The following RGS20 variants were observed in gnomAD, a reference collection of about 807,000 sequenced individuals.
The protein encoded by RGS20 is regulator of G protein signaling 20, also known as gz-selective GTPase-activating protein.
RGS20 carries 30 observed loss-of-function variants against 33.6 expected under a neutral mutation model. The ratio of observed to expected loss-of-function variants is 0.89; its 90% confidence interval spans 0.67 to 1.21. RGS20 has a LOEUF of 1.21. Ranked by LOEUF, RGS20 falls within the 50% of genes most tolerant of loss-of-function variation. The pLI, the probability that RGS20 is intolerant of heterozygous loss-of-function variation, is 0.00. For missense variants in RGS20, 472 were observed against 502.4 expected, an observed-to-expected ratio of 0.94 and a Z score of 0.58; for synonymous variants, 208 against 197.9, an observed-to-expected ratio of 1.05 and a Z score of -0.43.
At chr8:53,952,213 G>A (rs1472482089) in intron 4 of RGS20, among the ~76,000 whole-genome samples, 3 of 139,748 alleles carry the variant, frequency 2.1e-5, no homozygotes, top group Admixed American at 1.4e-4. Flanking sequence ...GAGTAGCTGG[G>A]ATTACAGGCA....
chr8:53,874,769 T>C (rs1226782986), intron 1 of RGS20, among the ~76,000 whole-genome samples: 1 of 152,246 alleles, frequency 6.6e-6, no homozygotes, highest in African/African-American at 2.4e-5. Flanking sequence ...TGTATATCTG[T>C]GTCGAAATTT....
At chr8:53,884,826 A>G (rs907486600) in intron 2 of RGS20, among the ~76,000 whole-genome samples, 1 of 152,210 alleles carries the variant, frequency 6.6e-6, no homozygotes, top group African/African-American at 2.4e-5. Context: ...CCACAGCTTT[A>G]TCTTGGTCCC....
intron 4 of RGS20, among the ~76,000 whole-genome samples, chr8:53,947,319 ATT>A (rs1450434335): frequency 1.4e-5 from 2 of 139,370 alleles, no homozygotes; most frequent in Non-Finnish European, 3.0e-5. Context: ...TAGTATATAT[ATT>A]ATATATGCTA....
intron 2 of RGS20, among the ~76,000 whole-genome samples, chr8:53,894,579 C>G (rs1812801607): frequency 6.6e-6 from 1 of 152,192 alleles, no homozygotes; most frequent in Admixed American, 6.5e-5. Flanking sequence ...TGGGCCTACA[C>G]AAATAATCCA....
intron 1 of RGS20, among the ~76,000 whole-genome samples, chr8:53,874,150 G>A (rs191051367): frequency 2.0e-4 from 31 of 152,144 alleles, no homozygotes; most frequent in Non-Finnish European, 3.8e-4. Context: ...CAGTGAGCCC[G>A]GTGATCCAAC....
At chr8:53,940,849 T>G (rs1393238914) in intron 3 of RGS20, among the ~76,000 whole-genome samples, 3 of 152,098 alleles carry the variant, frequency 2.0e-5, no homozygotes, top group African/African-American at 7.2e-5. Flanking sequence ...GAGGCGCTGG[T>G]GGTGGGCAGA....
intron 1 of RGS20, among the ~76,000 whole-genome samples, chr8:53,861,148 T>C (rs1763799669): frequency 6.6e-6 from 1 of 152,234 alleles, no homozygotes. Flanking sequence ...GGCATTTTTA[T>C]ATCTATCACC....
At chr8:53,913,681 G>A (rs1179472021) in intron 2 of RGS20, 1 of 152,262 alleles carries the variant, frequency 6.6e-6, no homozygotes, top group East Asian at 1.9e-4. Context: ...TGTTGCCACC[G>A]AGGCTGCCAG....
At chr8:53,943,778 TC>T (rs1241787303) in intron 3 of RGS20, among the ~76,000 whole-genome samples, 1 of 152,160 alleles carries the variant, frequency 6.6e-6, no homozygotes, top group Non-Finnish European at 1.5e-5. Flanking sequence ...CTCTGCTTTT[TC>T]ATACCCACTG....
At chr8:53,856,499 G>A (rs983917814) in intron 1 of RGS20, among the ~76,000 whole-genome samples, 5 of 152,106 alleles carry the variant, frequency 3.3e-5, no homozygotes, top group African/African-American at 1.2e-4. Flanking sequence ...GATTACAGGC[G>A]TGAGCCACCG....
chr8:53,866,639 C>G (rs988617547), intron 1 of RGS20, among the ~76,000 whole-genome samples: 1 of 152,166 alleles, frequency 6.6e-6, no homozygotes, highest in Non-Finnish European at 1.5e-5. Flanking sequence ...GCCTCGGCCT[C>G]TCAAAGTTCT....
chr8:53,897,214 C>G (rs16919650), intron 2 of RGS20, among the ~76,000 whole-genome samples: 18,083 of 152,182 alleles, frequency 0.12, 3,289 homozygotes, highest in African/African-American at 0.39. Flanking sequence ...TGGAGAGGAA[C>G]TTCTTCAGCA....
intron 2 of RGS20, among the ~76,000 whole-genome samples, chr8:53,909,244 T>C (rs1445348484): frequency 2.2e-5 from 3 of 133,830 alleles, no homozygotes; most frequent in African/African-American, 8.6e-5. Flanking sequence ...TATATATATA[T>C]ATATATATAT....
At chr8:53,917,673 G>A (rs1003926183) in intron 2 of RGS20, among the ~76,000 whole-genome samples, 7 of 152,158 alleles carry the variant, frequency 4.6e-5, no homozygotes, top group African/African-American at 1.7e-4. Flanking sequence ...GGAAGCCAAG[G>A]TAGGAGGATC....
intron 1 of RGS20, among the ~76,000 whole-genome samples, chr8:53,874,388 G>T (rs1319806972): frequency 6.7e-6 from 1 of 148,808 alleles, no homozygotes; most frequent in African/African-American, 2.5e-5. Context: ...GTGTGTGTGT[G>T]TGTGTGTGTG....
At chr8:53,941,243 T>G (rs1351694123) in intron 3 of RGS20, among the ~76,000 whole-genome samples, 3 of 152,150 alleles carry the variant, frequency 2.0e-5, no homozygotes, top group African/African-American at 7.2e-5. Context: ...AGCCAACACT[T>G]CTGTAGTACT....
intron 1 of RGS20, among the ~76,000 whole-genome samples, chr8:53,862,076 C>T (rs1339729052): frequency 6.6e-6 from 1 of 152,118 alleles, no homozygotes; most frequent in Non-Finnish European, 1.5e-5. Context: ...CCCTCAGGCC[C>T]CTGGTCGTTA....
At chr8:53,912,595 C>T (rs28711043) in intron 2 of RGS20, among the ~76,000 whole-genome samples, 51,025 of 151,958 alleles carry the variant, frequency 0.34, 9,364 homozygotes, top group African/African-American at 0.5. Context: ...TCTGATACTT[C>T]ATTGAGAATA....
chr8:53,957,326 C>T (rs1439388648), intron 5 of RGS20, among the ~76,000 whole-genome samples: 1 of 152,140 alleles, frequency 6.6e-6, no homozygotes, highest in Non-Finnish European at 1.5e-5. Flanking sequence ...TGGGGTTTTG[C>T]CATGTTGGCC....
Sources: gnomAD v4.1 joint callset for allele counts (sites outside exome capture counted in the v4.1 genomes callset) on GRCh38, gnomAD v4.1.1 for gene constraint, MANE v1.5 for transcripts, NCBI Gene and HGNC (gene_info 2026-07-23, HGNC 2026-07-21) for gene names.